The following SCAMP1 variants were observed in gnomAD, a reference collection of about 807,000 sequenced individuals.
The protein encoded by SCAMP1 is secretory carrier membrane protein 1.
A neutral mutation model predicts 41.8 loss-of-function variants in SCAMP1; 15 were observed. The observed-to-expected ratio is 0.36, with a 90% CI of 0.24 to 0.55. The LOEUF (loss-of-function observed/expected upper bound fraction) is 0.55, where lower values mean the gene tolerates loss of function less well. SCAMP1 is among the 20% of genes least tolerant of loss of function. The pLI, the probability that SCAMP1 is intolerant of heterozygous loss-of-function variation, is 0.86. For synonymous variants in SCAMP1, 135 were observed against 136.8 expected (o/e 0.99, Z 0.09); for missense variants, 341 against 412.6 (o/e 0.83, Z 1.50).
chr5:78,437,270 A>AG (rs1752781855), intron 6 of SCAMP1, among the ~76,000 whole-genome samples: 1 of 152,202 alleles, frequency 6.6e-6, no homozygotes, highest in Non-Finnish European at 1.5e-5. Context: ...GTGGTGAGAG[A>AG]GGGCATCCTT....
chr5:78,457,894 AT>A, intron 7 of SCAMP1: 1 of 153,810 alleles, frequency 6.5e-6, no homozygotes, highest in Non-Finnish European at 1.4e-5. Context: ...GTGGTGCGCC[AT>A]TTTTTAAGCC....
intron 8 of SCAMP1, among the ~76,000 whole-genome samples, chr5:78,470,454 T>C (rs1318481636): frequency 6.6e-6 from 1 of 152,204 alleles, no homozygotes; most frequent in Non-Finnish European, 1.5e-5. Flanking sequence ...TTCATTACCA[T>C]AATGTTTTCA....
chr5:78,420,934 T>A (rs1752325226), intron 5 of SCAMP1, among the ~76,000 whole-genome samples: 1 of 152,238 alleles, frequency 6.6e-6, no homozygotes, highest in Non-Finnish European at 1.5e-5. Flanking sequence ...TTTTATTGAT[T>A]TGATAATTTA....
At chr5:78,453,494 G>A (rs912556145) in intron 7 of SCAMP1, among the ~76,000 whole-genome samples, 6 of 152,052 alleles carry the variant, frequency 3.9e-5, no homozygotes, top group Non-Finnish European at 8.8e-5. Flanking sequence ...TCAGATAGTT[G>A]TAGATGTGTG....
intron 7 of SCAMP1, among the ~76,000 whole-genome samples, chr5:78,455,098 T>G (rs1380201329): frequency 6.6e-6 from 1 of 150,798 alleles, no homozygotes; most frequent in Non-Finnish European, 1.5e-5. Context: ...GTCTTGCTAG[T>G]GGTCTATCAA....
intron 8 of SCAMP1, among the ~76,000 whole-genome samples, chr5:78,469,916 A>C (rs1561290946): frequency 9.3e-4 from 66 of 71,070 alleles, no homozygotes; most frequent in South Asian, 2.0e-3. Flanking sequence ...AAAAAAACAA[A>C]AAAAAAAAAA....
At chr5:78,456,322 C>T (rs1305796311) in intron 7 of SCAMP1, among the ~76,000 whole-genome samples, 1 of 151,548 alleles carries the variant, frequency 6.6e-6, no homozygotes, top group Non-Finnish European at 1.5e-5. Context: ...GCGGCTGGTA[C>T]CGGTTGTTCT....
At chr5:78,444,214 A>C (rs528730230) in intron 6 of SCAMP1, among the ~76,000 whole-genome samples, 5 of 152,328 alleles carry the variant, frequency 3.3e-5, no homozygotes, top group African/African-American at 9.6e-5. Context: ...TGTACTTCTT[A>C]GGTTTCTGTG....
intron 5 of SCAMP1, among the ~76,000 whole-genome samples, chr5:78,421,524 T>C (rs1428781936): frequency 6.6e-6 from 1 of 152,152 alleles, no homozygotes; most frequent in African/African-American, 2.4e-5. Flanking sequence ...CTTAAGGTAG[T>C]GCGCCTCTGG....
At chr5:78,459,740 A>G (rs1036418321) in intron 8 of SCAMP1, among the ~76,000 whole-genome samples, 1 of 152,134 alleles carries the variant, frequency 6.6e-6, no homozygotes, top group East Asian at 1.9e-4. Context: ...TTATTCATAT[A>G]TATCTCTTAG....
At chr5:78,427,132 A>G (rs1413511179) in intron 6 of SCAMP1, among the ~76,000 whole-genome samples, 2 of 152,216 alleles carry the variant, frequency 1.3e-5, no homozygotes, top group South Asian at 2.1e-4. Context: ...TACAAGAACA[A>G]TGGTGCCAGC....
chr5:78,378,836 A>G (rs1388565435), intron 1 of SCAMP1, among the ~76,000 whole-genome samples: 1 of 152,220 alleles, frequency 6.6e-6, no homozygotes, highest in Non-Finnish European at 1.5e-5. Context: ...AGTCAACAAA[A>G]TAAGACTATC....
At chr5:78,465,851 C>G (rs866429416) in intron 8 of SCAMP1, among the ~76,000 whole-genome samples, 1 of 152,182 alleles carries the variant, frequency 6.6e-6, no homozygotes, top group Admixed American at 6.5e-5. Context: ...ATTTCTTCTT[C>G]CTCAGAGGAA....
chr5:78,375,072 ACT>A (rs775030453), intron 1 of SCAMP1, among the ~76,000 whole-genome samples: 15 of 152,084 alleles, frequency 9.9e-5, no homozygotes, highest in East Asian at 7.7e-4. Context: ...GATTATAGTA[ACT>A]CTGAGAATTA....
intron 8 of SCAMP1, among the ~76,000 whole-genome samples, chr5:78,465,005 C>T (rs183552963): frequency 4.6e-5 from 7 of 152,064 alleles, no homozygotes; most frequent in African/African-American, 9.7e-5. Context: ...TTTTTTAATC[C>T]GTGCATTAAT....
chr5:78,398,288 C>T (rs1751704232), intron 2 of SCAMP1, among the ~76,000 whole-genome samples: 1 of 149,634 alleles, frequency 6.7e-6, no homozygotes, highest in Non-Finnish European at 1.5e-5. Flanking sequence ...CATTATCAAA[C>T]AATTGGTGAA....
At chr5:78,388,674 C>G (rs1041850080) in intron 1 of SCAMP1, among the ~76,000 whole-genome samples, 163 bp from the exon 2 acceptor site, 5 of 152,188 alleles carry the variant, frequency 3.3e-5, no homozygotes, top group African/African-American at 1.2e-4. Flanking sequence ...TTAAATTTCA[C>G]CATTGTTGAA....
At chr5:78,459,798 T>C (rs944544783) in intron 8 of SCAMP1, among the ~76,000 whole-genome samples, 3 of 152,200 alleles carry the variant, frequency 2.0e-5, no homozygotes, top group Admixed American at 6.5e-5. Flanking sequence ...AGAGGGAACA[T>C]GTGCAGGTTT....
intron 2 of SCAMP1, among the ~76,000 whole-genome samples, chr5:78,401,241 G>C (rs1006168485): frequency 6.6e-6 from 1 of 152,066 alleles, no homozygotes; most frequent in Non-Finnish European, 1.5e-5. Context: ...TCAATCTGCT[G>C]ATATTTTGTT....
Sources: allele counts gnomAD v4.1 joint callset (sites outside exome capture counted in the v4.1 genomes callset), GRCh38; gene constraint gnomAD v4.1.1; transcripts MANE v1.5; gene names NCBI Gene and HGNC (gene_info 2026-07-23, HGNC 2026-07-21).